ANKRD42: variants seen among roughly 807,000 people sequenced by gnomAD.
The protein encoded by ANKRD42 is ankyrin repeat domain 42, also known as ankyrin repeat domain-containing protein 42.
Under a neutral mutation model 51.5 loss-of-function variants are expected in ANKRD42, and 43 were observed. The ratio of observed to expected loss-of-function variants is 0.83; its 90% CI spans 0.65 to 1.08. The LOEUF (loss-of-function observed/expected upper bound fraction) is 1.08. ANKRD42 is among the 50% of genes least tolerant of loss of function. The probability of loss-of-function intolerance (pLI) is 0.00; values close to 1 mark genes in which losing one functional copy is unlikely to be tolerated. For missense variants in ANKRD42, 608 were observed against 629.3 expected (o/e 0.97, Z 0.36); for synonymous variants, 203 against 213.0 (o/e 0.95, Z 0.41).
chr11:83,196,532 T>C (rs1384051731), intron 1 of ANKRD42, among the ~76,000 whole-genome samples: 1 of 152,192 alleles, frequency 6.6e-6, no homozygotes, highest in African/African-American at 2.4e-5. Context: ...CTATCTTAGA[T>C]GTAACTTTCC....
chr11:83,195,454 CG>C (rs1186740469), intron 1 of ANKRD42, among the ~76,000 whole-genome samples: 6 of 152,172 alleles, frequency 3.9e-5, no homozygotes, highest in Non-Finnish European at 8.8e-5. Context: ...CAGAGACACA[CG>C]TAACACTGAG....
downstream of ANKRD42, chr11:83,261,120 G>C (rs1863906696): frequency 6.6e-6 from 1 of 152,126 alleles, no homozygotes; most frequent in Admixed American, 6.6e-5. Context: ...ATGGAGTCTT[G>C]CTCTGTCACC....
intron 2 of ANKRD42, 42 bp downstream of exon 2, chr11:83,198,684 C>G (rs749166904): frequency 1.3e-6 from 2 of 1,504,354 alleles, no homozygotes; most frequent in South Asian, 2.5e-5. Context: ...TAAGTTTTAG[C>G]TATAACAGTT....
At chr11:83,257,113 C>T (rs746355651), downstream of ANKRD42, among the ~76,000 whole-genome samples, 1 of 152,118 alleles carries the variant, frequency 6.6e-6, no homozygotes, top group African/African-American at 2.4e-5. Flanking sequence ...TTTTTTAACA[C>T]TTGCTTACGG....
intron 11 of ANKRD42, among the ~76,000 whole-genome samples, chr11:83,255,561 G>A (rs1020417740): frequency 1.1e-4 from 16 of 152,040 alleles, no homozygotes; most frequent in African/African-American, 1.9e-4. Flanking sequence ...GAGATAAGAC[G>A]GAAAATTGGC....
chr11:83,198,194 G>GT (rs1861733350), intron 1 of ANKRD42, among the ~76,000 whole-genome samples: 1 of 152,166 alleles, frequency 6.6e-6, no homozygotes, highest in South Asian at 2.1e-4. Context: ...CAGATTTGGG[G>GT]TGGCAGTTTG....
intron 2 of ANKRD42, among the ~76,000 whole-genome samples, chr11:83,203,455 A>G (rs1386371998): frequency 7.0e-6 from 1 of 142,020 alleles, no homozygotes; most frequent in African/African-American, 2.7e-5. Context: ...GTGCAATGGC[A>G]CCGTCTTGGT....
chr11:83,217,731 A>G (rs926913202), intron 5 of ANKRD42, among the ~76,000 whole-genome samples: 2 of 152,198 alleles, frequency 1.3e-5, no homozygotes, highest in African/African-American at 2.4e-5. Flanking sequence ...TTGCCTTGGC[A>G]TATTGGACAT....
At chr11:83,261,931 A>G, downstream of ANKRD42, 1 of 1,605,048 alleles carries the variant, frequency 6.2e-7, no homozygotes, top group East Asian at 2.3e-5. Context: ...AATCTATAAA[A>G]TCCCAATGCT....
At chr11:83,215,721 A>C (rs2135513249) in intron 5 of ANKRD42, among the ~76,000 whole-genome samples, 1 of 152,364 alleles carries the variant, frequency 6.6e-6, no homozygotes, top group South Asian at 2.1e-4. Flanking sequence ...ACAAGGAAAA[A>C]GCAAAATGCC....
In ANKRD42 at chr11:83,248,408, CATAAGT is replaced by C; in HGVS notation, c.*207_*212del. 7.9e-7 allele frequency: 1 copy of C among 1,271,488 alleles called. No homozygotes were observed. The highest frequency in any genetic ancestry group is 9.9e-7 in the Non-Finnish European group (1 of 1,013,762). 78.8% of individuals were successfully genotyped at this position (1,271,488 alleles called of 1,614,324 possible). On this transcript the variant is annotated 3_prime_UTR_variant, in exon 11 of 11. Coordinates refer to ENST00000533342, the MANE Select transcript of ANKRD42 (RefSeq NM_001300975.2). ...TCTATCTTCAAACAGCAGCCTAGTT[CATAAGT>C]ATTATTGTTAACATTGTACCATAGA...
chr11:83,211,036 A>C (rs1862294926), intron 4 of ANKRD42, among the ~76,000 whole-genome samples: 1 of 152,208 alleles, frequency 6.6e-6, no homozygotes, highest in Non-Finnish European at 1.5e-5. Flanking sequence ...TTGGTCAGGA[A>C]TCTGTGACTG....
At chr11:83,236,265 A>G (rs546151859) in intron 7 of ANKRD42, 139 bp from the exon 8 acceptor site, 6 of 533,936 alleles carry the variant, frequency 1.1e-5, no homozygotes, top group South Asian at 3.4e-5. Flanking sequence ...TATTTGCCCA[A>G]TGTACTTTTG....
downstream of ANKRD42, among the ~76,000 whole-genome samples, chr11:83,263,469 T>C (rs1042525966): frequency 3.3e-5 from 5 of 152,214 alleles, no homozygotes; most frequent in African/African-American, 1.2e-4. Flanking sequence ...ATTCTACATA[T>C]ATGTAAAATG....
chr11:83,224,924 CGCAA>C lies in ANKRD42; in HGVS notation c.658_661del (p.Gln220PhefsTer2). On this transcript the variant is annotated frameshift_variant, in exon 6 of 11. Coordinates refer to ENST00000533342, the MANE Select transcript of ANKRD42 (RefSeq NM_001300975.2). LOFTEE classifies it high-confidence loss of function. ...CTAGTCAGTAGAATGAGCAGTGCGA[CGCAA>C]GTTTTAAAAGCTTTCAATGATAATG... The C allele has an allele frequency of 6.2e-7, 1 of 1,613,056 alleles. No individual in the cohort carries two copies. Among genetic ancestry groups the C allele is most frequent in the Non-Finnish European group, 8.5e-7 (1 of 1,179,306 alleles).
rs1342309103 is a variant in ANKRD42 at position 83,211,352 on chromosome 11, GGGC to G, written c.512_514del (p.Arg171del). The G allele has an allele frequency of 6.2e-7, 1 of 1,614,190 alleles. No homozygotes were observed. The highest frequency in any genetic ancestry group is 1.1e-5 in the South Asian group (1 of 91,088). On this transcript the variant is annotated inframe_deletion, in exon 5 of 11. Transcript: ENST00000533342. ...ACCTGTGCATTATGCAGCTTTTCAT[GGGC>G]GGCTTGGCTGCTTGCAACTTCTTGT... is the stretch of plus-strand genomic sequence containing the variant.
downstream of ANKRD42, among the ~76,000 whole-genome samples, chr11:83,262,656 T>G (rs1863993776): frequency 6.6e-6 from 1 of 152,286 alleles, no homozygotes; most frequent in East Asian, 1.9e-4. Context: ...GAGAGATGAA[T>G]GGAAAACTTT....
At chr11:83,210,009 A>C in intron 3 of ANKRD42, 1 of 363,448 alleles carries the variant, frequency 2.8e-6, no homozygotes, top group South Asian at 3.9e-5. Context: ...ATGTATGGCA[A>C]CTTGAGAATT....
rs369373678 is a variant in ANKRD42 at position 83,236,091 on chromosome 11, A to G, written c.914-313A>G. ...ATAGTATTAGAAAAGCCTGGATTCTAGTTTCAAACTACTTTTTACTAGCTG... is the reference window on the plus strand; with the variant it reads ...ATAGTATTAGAAAAGCCTGGATTCTGGTTTCAAACTACTTTTTACTAGCTG... On this transcript the variant is annotated intron_variant, in intron 7 of 10. Coordinates refer to ENST00000533342, the MANE Select transcript of ANKRD42 (RefSeq NM_001300975.2). 1.3e-3 allele frequency among the ~76,000 whole-genome samples: 197 copies of G among 152,362 alleles called. 1 individual carries two copies. The highest frequency in any genetic ancestry group is 7.2e-3 in the South Asian group (35 of 4,830).
Sources: gnomAD v4.1 joint callset for allele counts (sites outside exome capture counted in the v4.1 genomes callset) on GRCh38, gnomAD v4.1.1 for gene constraint, MANE v1.5 for transcripts, NCBI Gene and HGNC (gene_info 2026-07-23, HGNC 2026-07-21) for gene names.